The following LRP1B variants were observed in gnomAD, a reference collection of about 807,000 sequenced individuals.
The protein encoded by LRP1B is low-density lipoprotein receptor-related protein 1B.
LRP1B carries 217 observed loss-of-function variants against 556.6 expected under a neutral mutation model. The observed-to-expected ratio is 0.39, with a 90% CI of 0.35 to 0.44. The LOEUF (loss-of-function observed/expected upper bound fraction) is 0.44, where lower values mean the gene tolerates loss of function less well. LRP1B is among the 20% of genes least tolerant of loss of function. The pLI is 1.00. For synonymous variants in LRP1B, 2,047 were observed against 1,865.8 expected (o/e 1.10, Z -2.50); for missense variants, 5,053 against 5,620.8 (o/e 0.90, Z 3.23).
intron 12 of LRP1B, among the ~76,000 whole-genome samples, chr2:141,018,243 A>G (rs1275251064): frequency 6.6e-6 from 1 of 152,132 alleles, no homozygotes; most frequent in Non-Finnish European, 1.5e-5. Context: ...TTATCTGATG[A>G]AGTCTATCCC....
Position 141,188,895 on chromosome 2 carries a change from G to A in LRP1B, c.851-312C>T, listed in dbSNP as rs1249436. 3.2e-3 allele frequency among the ~76,000 whole-genome samples: 484 copies of A among 151,926 alleles called. 1 individual carries two copies. Among genetic ancestry groups the A allele is most frequent in the African/African-American group, 0.011 (464 of 41,468 alleles). Reference sequence around the variant, plus strand: ...TTACTTTTTGCATTTGTCCAAAATAGTTCATTCGATGGAATGAACAGAACT... The same window carrying A: ...TTACTTTTTGCATTTGTCCAAAATAATTCATTCGATGGAATGAACAGAACT... On this transcript the variant is annotated intron_variant, in intron 6 of 90. Transcript: ENST00000389484.
chr2:141,338,380 A>G (rs1687927642), intron 3 of LRP1B, among the ~76,000 whole-genome samples: 1 of 152,136 alleles, frequency 6.6e-6, no homozygotes, highest in Non-Finnish European at 1.5e-5. Context: ...CTCTAGCATG[A>G]ACTAGAGGTT....
At chr2:140,926,782 G>A (rs1023858554) in intron 20 of LRP1B, among the ~76,000 whole-genome samples, 13 of 152,012 alleles carry the variant, frequency 8.6e-5, no homozygotes, top group African/African-American at 1.7e-4. Context: ...ATTGATGTGC[G>A]TTTTTTTCCC....
In LRP1B at chr2:140,234,930, A is replaced by AAAG. The variant is rs1483967722; in HGVS notation, c.13561-47_13561-46insCTT. On this transcript the variant is annotated intron_variant, in intron 89 of 90. Transcript: ENST00000389484. ...TTAGTTTCTGATCTAATATTATAGA[A>AAAG]TCACTTTTCATCGATACATATCATG... is the stretch of plus-strand genomic sequence containing the variant. 5.4e-6 allele frequency: 4 copies of AAAG among 741,084 alleles called. No homozygotes were observed. In the African/African-American group the frequency reaches 7.0e-5, roughly 13 times the overall value. The allele number at this position is 741,084 out of a possible 1,614,324, so 45.9% of individuals were successfully genotyped here.
At chr2:141,874,616 T>G (rs1403894203) in intron 1 of LRP1B, among the ~76,000 whole-genome samples, 9 of 151,990 alleles carry the variant, frequency 5.9e-5, no homozygotes, top group African/African-American at 2.2e-4. Flanking sequence ...GGATCATGGT[T>G]TTAGTAAATA....
At chr2:141,702,294 A>C (rs751092268) in intron 2 of LRP1B, among the ~76,000 whole-genome samples, 1 of 151,992 alleles carries the variant, frequency 6.6e-6, no homozygotes, top group South Asian at 2.1e-4. Flanking sequence ...AAACAGGTGA[A>C]GTATAAGGCA....
intron 1 of LRP1B, among the ~76,000 whole-genome samples, chr2:142,021,519 GA>G (rs1703331116): frequency 6.6e-6 from 1 of 151,954 alleles, no homozygotes; most frequent in Non-Finnish European, 1.5e-5. Context: ...GTTATTTTGT[GA>G]ATATCACAGA....
chr2:141,650,258 TC>T (rs1484140167), intron 2 of LRP1B, among the ~76,000 whole-genome samples: 2 of 152,180 alleles, frequency 1.3e-5, no homozygotes, highest in East Asian at 3.9e-4. Flanking sequence ...AAGTTGAGGT[TC>T]TATAGTTAAT....
At position 140,908,024 on chromosome 2, in the gene LRP1B, G is replaced by C; in HGVS notation, c.3373C>G (p.Gln1125Glu). Residue 1125 changes from glutamine to glutamate, a missense_variant, in exon 22 of 91, where the codon CAG (glutamine) becomes GAG (glutamate). This residue lies in a region of LRP1B where 3,619 missense variants were observed against 3,931.9 expected (regional missense o/e 0.92). Transcript: ENST00000389484. ...VCDGDIDCED[Q>E]SDEDDCDSFL... ...CTGTCACAGTCATCTTCATCTGACT[G>C]ATCTTCGCAATCAATATCTCCATCA... 6.2e-7 allele frequency: 1 copy of C among 1,613,446 alleles called. No homozygotes were observed. Among genetic ancestry groups the C allele is most frequent in the Non-Finnish European group, 8.5e-7 (1 of 1,179,676 alleles).
intron 18 of LRP1B, among the ~76,000 whole-genome samples, chr2:140,958,980 A>G (rs1695955266): frequency 6.6e-6 from 1 of 151,660 alleles, no homozygotes; most frequent in Non-Finnish European, 1.5e-5. Context: ...AGGCAAGAGA[A>G]GTGTTTGAAG....
chr2:140,779,868 C>G (rs1004938582), intron 32 of LRP1B, among the ~76,000 whole-genome samples: 1 of 150,298 alleles, frequency 6.7e-6, no homozygotes, highest in Non-Finnish European at 1.5e-5. Flanking sequence ...TAAGCTGGAA[C>G]AAAATGAGAA....
chr2:140,834,685 A>G (rs1044594149), intron 31 of LRP1B, among the ~76,000 whole-genome samples: 1 of 152,238 alleles, frequency 6.6e-6, no homozygotes, highest in Non-Finnish European at 1.5e-5. Context: ...TGGAGGAGCC[A>G]GAACCAACAG....
intron 21 of LRP1B, among the ~76,000 whole-genome samples, chr2:140,908,340 T>C (rs1357224253): frequency 7.7e-6 from 1 of 130,120 alleles, no homozygotes; most frequent in African/African-American, 2.9e-5. Flanking sequence ...TCTCTATATA[T>C]ATATACATAT....
intron 14 of LRP1B, among the ~76,000 whole-genome samples, chr2:141,012,974 T>C (rs917219781): frequency 2.6e-5 from 4 of 151,852 alleles, no homozygotes; most frequent in South Asian, 2.1e-4. Context: ...TATGTGTAGA[T>C]GTCCTAATGA....
At chr2:140,449,682 T>C (rs1270059914) in intron 63 of LRP1B, among the ~76,000 whole-genome samples, 1 of 152,118 alleles carries the variant, frequency 6.6e-6, no homozygotes, top group Non-Finnish European at 1.5e-5. Context: ...TCTAAGTAAA[T>C]ATCTAGATAA....
rs1179419964 is a variant in LRP1B, at chr2:141,963,948, C to T, written c.83-153547G>A. 2.8e-3 allele frequency among the ~76,000 whole-genome samples: 301 copies of T among 106,238 alleles called. 8 individuals are homozygous for T. The highest frequency in any genetic ancestry group is 0.011 in the African/African-American group (290 of 25,526). 69.7% of individuals were successfully genotyped at this position (106,238 alleles called of 152,430 possible). A position where few individuals can be genotyped will look rare whatever the true frequency, so the allele number is the denominator to read the frequency against. On this transcript the variant is annotated intron_variant, in intron 1 of 90. Transcript: ENST00000389484. ...AATCACAAGCATTCCTATACACCAA[C>T]AACAGACAAACAGAGAGCCAAATCA...
rs1388084957 is a variant in LRP1B, at chr2:142,115,554, TTATATATGTAATA to T, written c.82+15081_82+15093del. Reference sequence around the variant, plus strand: ...ATATATTACATATGTAATATATATATTATATATGTAATATATATTATATATGTAATATATATAT... The same window carrying T: ...ATATATTACATATGTAATATATATATTATATTATATATGTAATATATATAT... On this transcript the variant is annotated intron_variant, in intron 1 of 90. Coordinates refer to ENST00000389484, the MANE Select transcript of LRP1B (RefSeq NM_018557.3). Among the ~76,000 whole-genome samples the T allele has an allele frequency of 9.9e-5, 2 of 20,156 alleles. 1 individual carries two copies. Among genetic ancestry groups the T allele is most frequent in the Non-Finnish European group, 2.4e-4 (2 of 8,196 alleles). 13.2% of individuals were successfully genotyped at this position (20,156 alleles called of 152,430 possible).
At chr2:140,873,666 A>T (rs1693210153) in intron 25 of LRP1B, among the ~76,000 whole-genome samples, 1 of 152,050 alleles carries the variant, frequency 6.6e-6, no homozygotes, top group Non-Finnish European at 1.5e-5. Flanking sequence ...TTAAAATAAA[A>T]TAATTAGGTA....
chr2:141,876,422 C>A (rs1225219871), intron 1 of LRP1B, among the ~76,000 whole-genome samples: 1 of 151,918 alleles, frequency 6.6e-6, no homozygotes, highest in East Asian at 1.9e-4. Context: ...AAAGAAGCTA[C>A]TGTCCAAATC....
Sources: allele counts gnomAD v4.1 joint callset (sites outside exome capture counted in the v4.1 genomes callset), GRCh38; gene constraint gnomAD v4.1.1; regional missense constraint gnomAD v4.1.1; transcripts MANE v1.5; gene names NCBI Gene and HGNC (gene_info 2026-07-23, HGNC 2026-07-21).